The following AGAP1 variants were observed in gnomAD, a reference collection of about 807,000 sequenced individuals.
AGAP1 encodes ArfGAP with GTPase domain, ankyrin repeat and PH domain 1.
In AGAP1, 29 loss-of-function variants were observed where a neutral mutation model predicts 105.3. The observed-to-expected ratio is 0.28, with a 90% CI of 0.21 to 0.38. The LOEUF (loss-of-function observed/expected upper bound fraction) is 0.38, where lower values mean the gene tolerates loss of function less well. Among genes scored for constraint, AGAP1 ranks in the 10% least tolerant of loss-of-function variants. The pLI, the probability that AGAP1 is intolerant of heterozygous loss-of-function variation, is 1.00. For synonymous variants in AGAP1, 509 were observed against 485.9 expected, an observed-to-expected ratio of 1.05 and a Z score of -0.63; for missense variants, 998 against 1,165.1, an observed-to-expected ratio of 0.86 and a Z score of 2.09.
At chr2:236,017,709 CCAAGGTTTGAGT>C (rs2056753752) in intron 13 of AGAP1, among the ~76,000 whole-genome samples, 1 of 152,204 alleles carries the variant, frequency 6.6e-6, no homozygotes, top group Non-Finnish European at 1.5e-5. Flanking sequence ...ACAGACAGAG[CCAAGGTTTGAGT>C]CTAAGGATCT....
chr2:235,820,841 CAA>C (rs1216006053), intron 9 of AGAP1, among the ~76,000 whole-genome samples: 2 of 151,980 alleles, frequency 1.3e-5, no homozygotes, highest in African/African-American at 4.8e-5. Context: ...AGATTTAAGA[CAA>C]TATGAAATCA....
At chr2:235,512,018 GTGTGAGGTGTGAA>G in intron 1 of AGAP1, among the ~76,000 whole-genome samples, 1 of 52,106 alleles carries the variant, frequency 1.9e-5, no homozygotes, top group South Asian at 1.1e-3. Flanking sequence ...CTGTGTGAAT[GTGTGAGGTGTGAA>G]TGTGTGTGAA....
At chr2:235,505,963 C>T (rs1449453438) in intron 1 of AGAP1, among the ~76,000 whole-genome samples, 1 of 143,920 alleles carries the variant, frequency 6.9e-6, no homozygotes, top group Non-Finnish European at 1.5e-5. Context: ...CGGAATCTTG[C>T]TCTGTCGCCC....
At chr2:235,573,373 C>T (rs929615223) in intron 1 of AGAP1, among the ~76,000 whole-genome samples, 4 of 151,976 alleles carry the variant, frequency 2.6e-5, no homozygotes, top group East Asian at 3.9e-4. Flanking sequence ...TCCCTGCACC[C>T]GGCTGCTGCT....
At position 236,076,562 on chromosome 2, in the gene AGAP1, A is replaced by T. The variant is rs1188067112; in HGVS notation, c.2114+27281A>T. Reference sequence around the variant, plus strand: ...GGACACCGTGGAATCTGGGAAAGCCATGATTTCCACAGTATACTCCTAGAA... The same window carrying T: ...GGACACCGTGGAATCTGGGAAAGCCTTGATTTCCACAGTATACTCCTAGAA... On this transcript the variant is annotated intron_variant, in intron 16 of 17. Transcript: ENST00000304032. The surrounding 1 kb of genome is among the most constrained non-coding windows in gnomAD (Gnocchi z 4.4). Among the ~76,000 whole-genome samples the T allele has an allele frequency of 6.6e-6, 1 of 152,226 alleles. No individual in the cohort carries two copies. Among genetic ancestry groups the T allele is most frequent in the Non-Finnish European group, 1.5e-5 (1 of 68,038 alleles).
At position 235,900,035 on chromosome 2, in the gene AGAP1, G is replaced by A. The variant is rs2050992648; in HGVS notation, c.1156-8703G>A. 1.3e-5 allele frequency among the ~76,000 whole-genome samples: 2 copies of A among 152,234 alleles called. No individual in the cohort carries two copies. Among genetic ancestry groups the A allele is most frequent in the East Asian group, 1.9e-4 (1 of 5,172 alleles). On this transcript the variant is annotated intron_variant, in intron 10 of 17. Coordinates refer to ENST00000304032, the MANE Select transcript of AGAP1 (RefSeq NM_001037131.3). The surrounding 1 kb of genome is among the most constrained non-coding windows in gnomAD (Gnocchi z 5.5). ...TGGTGGACTTGAGCCCACGCATGTT[G>A]GACACTGGCCTCCGCAGCACATGAA...
chr2:235,912,927 G>A (rs184765812), intron 11 of AGAP1, among the ~76,000 whole-genome samples: 590 of 152,214 alleles, frequency 3.9e-3, no homozygotes, highest in South Asian at 0.012. Flanking sequence ...TGTTTCTTAC[G>A]TTGTAATTAA....
Position 235,733,144 on chromosome 2 carries a change from C to T in AGAP1, c.311-7819C>T, listed in dbSNP as rs928228115. Among the ~76,000 whole-genome samples the T allele has an allele frequency of 1.1e-4, 16 of 152,176 alleles. No individual in the cohort carries two copies. The highest frequency in any genetic ancestry group is 2.1e-4 in the Non-Finnish European group (14 of 68,020). Reference sequence around the variant, plus strand: ...TTCCAGGTTCCCTTCACCCATCCTGCGGGGTGGGAGGAATATATCATTGTT... The same window carrying T: ...TTCCAGGTTCCCTTCACCCATCCTGTGGGGTGGGAGGAATATATCATTGTT... On this transcript the variant is annotated intron_variant, in intron 3 of 17. Transcript: ENST00000304032. This position sits in a 1 kb window ranked among gnomAD's most constrained non-coding sequence, Gnocchi z 5.0.
chr2:235,645,813 T>C (rs1229808887), intron 1 of AGAP1, among the ~76,000 whole-genome samples: 3 of 152,202 alleles, frequency 2.0e-5, no homozygotes, highest in African/African-American at 7.2e-5. Flanking sequence ...AGGAAGGTGA[T>C]TTTTTAAACA....
intron 13 of AGAP1, among the ~76,000 whole-genome samples, chr2:235,991,982 G>A (rs1437224283): frequency 6.6e-6 from 1 of 152,220 alleles, no homozygotes; most frequent in Non-Finnish European, 1.5e-5. Context: ...GAAACATCCA[G>A]CCTCACAAAT....
chr2:235,937,143 A>G (rs530867220), intron 12 of AGAP1, among the ~76,000 whole-genome samples: 1 of 152,278 alleles, frequency 6.6e-6, no homozygotes, highest in South Asian at 2.1e-4. Context: ...GTTGTCATCA[A>G]CCTTCAGCTT....
At chr2:235,928,290 A>C (rs1694620048) in intron 11 of AGAP1, among the ~76,000 whole-genome samples, 1 of 152,164 alleles carries the variant, frequency 6.6e-6, no homozygotes, top group South Asian at 2.1e-4. Context: ...TCCTCCCCAA[A>C]CGCACCTTCG....
At chr2:235,512,408 G>A (rs1444888165) in intron 1 of AGAP1, among the ~76,000 whole-genome samples, 1 of 152,086 alleles carries the variant, frequency 6.6e-6, no homozygotes, top group Non-Finnish European at 1.5e-5. Flanking sequence ...ACCAGCCTGG[G>A]TAACATAGGG....
At position 235,842,623 on chromosome 2, in the gene AGAP1, C is replaced by CA. The variant is rs999615388; in HGVS notation, c.1050+35298dup. Among the ~76,000 whole-genome samples the CA allele has an allele frequency of 1.4e-4, 21 of 152,246 alleles. No homozygotes were observed. Among genetic ancestry groups the CA allele is most frequent in the African/African-American group, 4.8e-4 (20 of 41,548 alleles). On this transcript the variant is annotated intron_variant, in intron 9 of 17. Transcript: ENST00000304032. This position sits in a 1 kb window ranked among gnomAD's most constrained non-coding sequence, Gnocchi z 5.3. ...TGAGAAGGGATCCTTTGGGACGTGC[C>CA]AAAAAAGACCCACCTGTAGCAAGCC...
chr2:235,502,634 T>C (rs932181930), intron 1 of AGAP1, among the ~76,000 whole-genome samples: 1 of 151,934 alleles, frequency 6.6e-6, no homozygotes, highest in Non-Finnish European at 1.5e-5. Flanking sequence ...AGCAACTGTC[T>C]AATCTTTAAA....
chr2:235,834,370 C>T (rs1343895217), intron 9 of AGAP1, among the ~76,000 whole-genome samples: 2 of 152,120 alleles, frequency 1.3e-5, no homozygotes, highest in African/African-American at 4.8e-5. Flanking sequence ...TCAGATATGC[C>T]TTCTGTCCTT....
chr2:235,969,977 A>G (rs1357576258), intron 13 of AGAP1, among the ~76,000 whole-genome samples: 2 of 152,192 alleles, frequency 1.3e-5, no homozygotes, highest in Non-Finnish European at 2.9e-5. Flanking sequence ...CAAGGCAGGA[A>G]GATCACCTGA....
rs182373331 is a variant in AGAP1 at position 235,725,195 on chromosome 2, C to T, written c.310+7551C>T. Among the ~76,000 whole-genome samples the T allele has an allele frequency of 1.3e-3, 200 of 152,284 alleles. No individual in the cohort carries two copies. Among genetic ancestry groups the T allele is most frequent in the Non-Finnish European group, 1.2e-3 (82 of 68,032 alleles). On this transcript the variant is annotated intron_variant, in intron 3 of 17. Transcript: ENST00000304032. The surrounding 1 kb of genome is among the most constrained non-coding windows in gnomAD (Gnocchi z 5.7). ...ACAGCCACCTGCAAGTCTTTGTTCCCGGGGTTAGCCTTGCCACCCTCCTTC... is the reference window on the plus strand; with the variant it reads ...ACAGCCACCTGCAAGTCTTTGTTCCTGGGGTTAGCCTTGCCACCCTCCTTC...
rs1159951871 is a variant in AGAP1 at position 236,080,408 on chromosome 2, G to T, written c.2114+31127G>T. On this transcript the variant is annotated intron_variant, in intron 16 of 17. Transcript: ENST00000304032. The surrounding 1 kb of genome is among the most constrained non-coding windows in gnomAD (Gnocchi z 4.2). ...TAGGAGGAAATAAGGACGTCAGTTT[G>T]CAACCAGACAAGTTTAGAGGCCTGT... Among the ~76,000 whole-genome samples, 6 of 152,180 alleles carry T rather than the reference G, an allele frequency of 3.9e-5. No homozygotes were observed. The highest frequency in any genetic ancestry group is 1.4e-4 in the African/African-American group (6 of 41,440).
Sources: gnomAD v4.1 joint callset for allele counts (sites outside exome capture counted in the v4.1 genomes callset) on GRCh38, gnomAD v4.1.1 for gene constraint, Gnocchi (gnomAD v3.1) non-coding constraint, MANE v1.5 for transcripts, NCBI Gene and HGNC (gene_info 2026-07-23, HGNC 2026-07-21) for gene names.